Variants in UNC13C observed in about 807,000 individuals in gnomAD.
UNC13C encodes the protein unc-13 homolog C.
In UNC13C, 174 loss-of-function variants were observed where a neutral mutation model predicts 245.4. The observed-to-expected ratio is 0.71, with a 90% confidence interval of 0.63 to 0.80. UNC13C has a LOEUF of 0.80. UNC13C is among the 30% of genes least tolerant of loss of function. The pLI, the probability that UNC13C is intolerant of heterozygous loss-of-function variation, is 0.00. For synonymous variants in UNC13C, 992 were observed against 895.1 expected (o/e 1.11, Z -1.93); for missense variants, 2,829 against 2,602.9 (o/e 1.09, Z -1.89).
intron 30 of UNC13C, among the ~76,000 whole-genome samples, chr15:54,592,259 C>A (rs575522873): frequency 2.0e-5 from 3 of 152,142 alleles, no homozygotes; most frequent in Admixed American, 2.0e-4. Context: ...CTGAATAGAA[C>A]GTGTATTCTG....
chr15:54,164,404 C>T (rs1183626262), intron 4 of UNC13C, among the ~76,000 whole-genome samples: 2 of 151,970 alleles, frequency 1.3e-5, no homozygotes, highest in Admixed American at 6.6e-5. Flanking sequence ...ATTTGGTATA[C>T]CAATGTAAAC....
At chr15:54,238,003 G>A (rs549478342) in intron 7 of UNC13C, among the ~76,000 whole-genome samples, 1 of 150,326 alleles carries the variant, frequency 6.7e-6, no homozygotes, top group Non-Finnish European at 1.5e-5. Context: ...CTTTTACGAG[G>A]TTTTCCCCAA....
chr15:54,151,159 C>G (rs930857175), intron 4 of UNC13C, among the ~76,000 whole-genome samples: 3 of 152,090 alleles, frequency 2.0e-5, no homozygotes, highest in Non-Finnish European at 2.9e-5. Flanking sequence ...TAAGACTCCC[C>G]CATCTTCGGG....
intron 19 of UNC13C, among the ~76,000 whole-genome samples, chr15:54,419,311 G>A (rs759921775): frequency 1.3e-5 from 2 of 152,108 alleles, no homozygotes; most frequent in Non-Finnish European, 2.9e-5. Flanking sequence ...CAAATGGAAA[G>A]AACAGGACTA....
intron 19 of UNC13C, among the ~76,000 whole-genome samples, chr15:54,437,679 T>C (rs886659013): frequency 2.3e-4 from 35 of 151,902 alleles, no homozygotes; most frequent in Admixed American, 6.6e-4. Context: ...TTCTGATCGA[T>C]TGCAAACAGG....
chr15:54,048,303 C>T (rs1055582114), intron 2 of UNC13C, among the ~76,000 whole-genome samples: 9 of 152,132 alleles, frequency 5.9e-5, no homozygotes, highest in African/African-American at 1.7e-4. Context: ...CTGCATACTG[C>T]AAGTATTGTT....
intron 4 of UNC13C, among the ~76,000 whole-genome samples, chr15:54,219,142 T>A (rs1221983605): frequency 1.3e-5 from 2 of 151,998 alleles, no homozygotes; most frequent in African/African-American, 4.8e-5. Flanking sequence ...CATTGCCAAG[T>A]CAATCCTAAG....
At chr15:54,317,965 T>C (rs915557392) in intron 13 of UNC13C, among the ~76,000 whole-genome samples, 1 of 151,854 alleles carries the variant, frequency 6.6e-6, no homozygotes, top group African/African-American at 2.4e-5. Flanking sequence ...TTTCAGACTG[T>C]ACATATGAGT....
chr15:54,355,083 T>C (rs1297401117), intron 17 of UNC13C, among the ~76,000 whole-genome samples: 1 of 152,116 alleles, frequency 6.6e-6, no homozygotes, highest in Non-Finnish European at 1.5e-5. Context: ...CTCCAGACTC[T>C]ACAGAGAGTC....
At chr15:54,328,822 GA>G (rs922772824) in intron 14 of UNC13C, among the ~76,000 whole-genome samples, 4 of 151,500 alleles carry the variant, frequency 2.6e-5, no homozygotes, top group African/African-American at 4.8e-5. Flanking sequence ...TTCTAATGTT[GA>G]AAAAAAATTT....
At chr15:53,944,980 A>G in the UNC13C span, among the ~76,000 whole-genome samples, 4 of 152,150 alleles carry the variant, frequency 2.6e-5, no homozygotes, top group African/African-American at 7.2e-5. Context: ...GTTGTACCTC[A>G]CTGTGGTTTT....
chr15:54,513,244 G>C (rs1447310108), intron 24 of UNC13C, among the ~76,000 whole-genome samples: 1 of 152,082 alleles, frequency 6.6e-6, no homozygotes, highest in Non-Finnish European at 1.5e-5. Context: ...AGAAATTATT[G>C]ATTTCATGTG....
intron 13 of UNC13C, among the ~76,000 whole-genome samples, chr15:54,314,395 A>T (rs926499649): frequency 3.3e-5 from 5 of 151,644 alleles, no homozygotes; most frequent in African/African-American, 1.2e-4. Context: ...TCAAACCAAC[A>T]TATTGTACAT....
At chr15:54,208,125 A>G (rs1276439499) in intron 4 of UNC13C, among the ~76,000 whole-genome samples, 3 of 152,104 alleles carry the variant, frequency 2.0e-5, no homozygotes, top group Non-Finnish European at 4.4e-5. Context: ...CCAGCATGAC[A>G]CATGGTGAGA....
intron 30 of UNC13C, among the ~76,000 whole-genome samples, chr15:54,596,733 A>G (rs2414326): frequency 0.49 from 74,156 of 151,934 alleles, 18,349 homozygotes; most frequent in East Asian, 0.67. Flanking sequence ...CCCCATGGAA[A>G]TGAGTGATTT....
chr15:54,430,343 A>G (rs1228114179), intron 19 of UNC13C, among the ~76,000 whole-genome samples: 2 of 151,736 alleles, frequency 1.3e-5, no homozygotes, highest in Non-Finnish European at 3.0e-5. Flanking sequence ...GATATCAGCT[A>G]TTAAAACTTT....
intron 2 of UNC13C, among the ~76,000 whole-genome samples, chr15:54,059,219 AG>A (rs1198671394): frequency 0.013 from 4 of 308 alleles, no homozygotes; most frequent in Non-Finnish European, 0.036. Flanking sequence ...AAACCCCATT[AG>A]CCTCAGCCCA....
chr15:54,322,475 C>A (rs2038188999), intron 14 of UNC13C, among the ~76,000 whole-genome samples: 2 of 151,974 alleles, frequency 1.3e-5, no homozygotes, highest in African/African-American at 4.8e-5. Flanking sequence ...ATCTCTGGAA[C>A]ATATTAGGCT....
intron 19 of UNC13C, among the ~76,000 whole-genome samples, chr15:54,474,692 A>G (rs1596446662): frequency 6.6e-6 from 1 of 151,844 alleles, no homozygotes; most frequent in Non-Finnish European, 1.5e-5. Flanking sequence ...TTAGTTTAAT[A>G]TAGTCCTGGT....
Sources: allele counts gnomAD v4.1 joint callset (sites outside exome capture counted in the v4.1 genomes callset), GRCh38; gene constraint gnomAD v4.1.1; transcripts MANE v1.5; gene names NCBI Gene and HGNC (gene_info 2026-07-23, HGNC 2026-07-21).